Variants in NUDT13 observed in about 807,000 individuals in gnomAD.
The protein encoded by NUDT13 is NAD(P)H pyrophosphatase NUDT13, mitochondrial.
In NUDT13, 40 loss-of-function variants were observed where a neutral mutation model predicts 41.7. The ratio of observed to expected loss-of-function variants is 0.96; its 90% confidence interval spans 0.75 to 1.25. The LOEUF is 1.25. Among genes scored for constraint, NUDT13 ranks in the 50% most tolerant of loss-of-function variants. The pLI, the probability that NUDT13 is intolerant of heterozygous loss-of-function variation, is 0.00. For synonymous variants in NUDT13, 145 were observed against 155.5 expected (o/e 0.93, Z 0.50); for missense variants, 390 against 416.1 (o/e 0.94, Z 0.55).
At chr10:73,128,696 C>T (rs967773537) in intron 8 of NUDT13, among the ~76,000 whole-genome samples, 2 of 152,182 alleles carry the variant, frequency 1.3e-5, no homozygotes, top group African/African-American at 4.8e-5. Context: ...GTTGTCTCTT[C>T]ACTCTGTTGA....
In NUDT13 at chr10:73,130,838, G is replaced by A; in HGVS notation, c.994G>A (p.Ala332Thr). The stretch of plus-strand genomic sequence containing the variant: ...CCCATTCTGGCTGCCCCCTAAGTTA[G>A]CCATCTCCCACCAACTGATTAAGGA... ...TFPFWLPPKL[A>T]ISHQLIKEWV... Residue 332 changes from alanine (A) to threonine (T), a missense_variant, in exon 9 of 9, where the codon GCC becomes ACC. Coordinates refer to ENST00000357321, the MANE Select transcript of NUDT13 (RefSeq NM_015901.6). 6.2e-7 allele frequency: 1 copy of A among 1,613,936 alleles called. No homozygotes were observed. Among genetic ancestry groups the A allele is most frequent in the Non-Finnish European group, 8.5e-7 (1 of 1,179,952 alleles).
intron 7 of NUDT13, 104 bp downstream of exon 7, chr10:73,125,613 T>C (rs1842753249): frequency 3.7e-6 from 2 of 541,146 alleles, no homozygotes; most frequent in Admixed American, 3.7e-5. Context: ...CCAAGCACAT[T>C]CTTTTCTATC....
chr10:73,125,849 T>G (rs1842762002), intron 7 of NUDT13, among the ~76,000 whole-genome samples: 1 of 151,756 alleles, frequency 6.6e-6, no homozygotes, highest in South Asian at 2.1e-4. Flanking sequence ...CATGCCCGGC[T>G]AATTTTTAAA....
In NUDT13 at chr10:73,124,316, C is replaced by T. The variant is rs745954425; in HGVS notation, c.461C>T (p.Ser154Phe). Residue 154 changes from serine (S) to phenylalanine (F), a missense_variant, in exon 5 of 9, where the codon TCC becomes TTC. Coordinates refer to ENST00000357321, the MANE Select transcript of NUDT13 (RefSeq NM_015901.6). ...AATGCAAGGGATGCCTCCTTGCTGT[C>T]CACGGTAGATTCTGATTTCTCATTC... The part of the protein sequence containing the change: ...QLNARDASLL[S>F]TAQALLRWHD... 11 of 1,602,004 alleles carry T rather than the reference C, an allele frequency of 6.9e-6. No homozygotes were observed. The highest frequency in any genetic ancestry group is 8.5e-6 in the Non-Finnish European group (10 of 1,170,040).
chr10:73,125,286 C>A, intron 6 of NUDT13, 43 bp downstream of exon 6: 2 of 1,603,700 alleles, frequency 1.2e-6, no homozygotes, highest in Non-Finnish European at 1.7e-6. Context: ...GAAGACTGTG[C>A]GCTGCTTTGT....
intron 1 of NUDT13, among the ~76,000 whole-genome samples, chr10:73,111,288 T>C (rs538036058): frequency 6.6e-6 from 1 of 152,250 alleles, no homozygotes; most frequent in African/African-American, 2.4e-5. Flanking sequence ...TAAAAAAAGG[T>C]CTCTTAAATA....
chr10:73,110,749 A>C (rs2280369), intron 1 of NUDT13, among the ~76,000 whole-genome samples, 182 bp downstream of exon 1: 23,950 of 152,166 alleles, frequency 0.16, 3,136 homozygotes, highest in African/African-American at 0.33. Flanking sequence ...GTGGAGCTAC[A>C]TCAGTAACCA....
At chr10:73,113,136 C>G (rs1297463095) in intron 1 of NUDT13, among the ~76,000 whole-genome samples, 1 of 152,240 alleles carries the variant, frequency 6.6e-6, no homozygotes, top group Admixed American at 6.5e-5. Flanking sequence ...ATCCGCCCGC[C>G]TCGGCCTCCC....
chr10:73,120,937 C>CAA (rs11322928), intron 3 of NUDT13, among the ~76,000 whole-genome samples: 5 of 101,768 alleles, frequency 4.9e-5, no homozygotes, highest in Admixed American at 1.1e-4. Flanking sequence ...GACTCCATCT[C>CAA]AAAAAAAAAA....
rs1226013907 is a variant in NUDT13, at chr10:73,126,844, C to T, written c.858+17C>T. 1.9e-6 allele frequency: 3 copies of T among 1,609,844 alleles called. No individual in the cohort carries two copies. The highest frequency in any genetic ancestry group is 2.2e-5 in the South Asian group (2 of 90,934). ...CAGACAGAAGTAAGTTCTCATCTTC[C>T]CTTATACTGTGATATTTCTTTTGCT... is the stretch of plus-strand genomic sequence containing the variant. On this transcript the variant is annotated intron_variant, in intron 8 of 8. Coordinates refer to ENST00000357321, the MANE Select transcript of NUDT13 (RefSeq NM_015901.6).
intron 2 of NUDT13, chr10:73,119,591 C>G: frequency 2.2e-6 from 1 of 451,142 alleles, no homozygotes; most frequent in East Asian, 1.5e-4. Flanking sequence ...AAATTCTTGC[C>G]TCACAGTGTA....
intron 1 of NUDT13, among the ~76,000 whole-genome samples, chr10:73,112,277 C>T (rs1170568624): frequency 6.6e-6 from 1 of 151,968 alleles, no homozygotes; most frequent in Non-Finnish European, 1.5e-5. Flanking sequence ...CGCTTGAACC[C>T]GGGAGGTGGA....
chr10:73,130,911 C>T lies in NUDT13; in HGVS notation c.*8C>T. On this transcript the variant is annotated 3_prime_UTR_variant, in exon 9 of 9. Coordinates refer to ENST00000357321, the MANE Select transcript of NUDT13 (RefSeq NM_015901.6). ...TCTTCCCTGCCTGCTTAGCCCGGATCAAGTCACTTAGATCGCTCCTTGGTA... is the reference window on the plus strand; with the variant it reads ...TCTTCCCTGCCTGCTTAGCCCGGATTAAGTCACTTAGATCGCTCCTTGGTA... The T allele has an allele frequency of 6.2e-7, 1 of 1,610,484 alleles. No individual in the cohort carries two copies. Among genetic ancestry groups the T allele is most frequent in the Non-Finnish European group, 8.5e-7 (1 of 1,177,376 alleles).
chr10:73,110,498 T>C lies in NUDT13; in HGVS notation c.-79T>C, dbSNP rs1045590558. Reference sequence around the variant, plus strand: ...TCCAGGGAACGGAAGCCGTTGAACGTGAACATTTGGAGTTTCCTCTTTTGT... The same window carrying C: ...TCCAGGGAACGGAAGCCGTTGAACGCGAACATTTGGAGTTTCCTCTTTTGT... On this transcript the variant is annotated 5_prime_UTR_variant, in exon 1 of 9. Coordinates refer to ENST00000357321, the MANE Select transcript of NUDT13 (RefSeq NM_015901.6). The C allele has an allele frequency of 6.6e-6, 1 of 152,210 alleles. No individual in the cohort carries two copies. Among genetic ancestry groups the C allele is most frequent in the Non-Finnish European group, 1.5e-5 (1 of 68,064 alleles). 9.4% of individuals were successfully genotyped at this position (152,210 alleles called of 1,614,324 possible).
At chr10:73,118,225 T>G (rs1472279450) in intron 2 of NUDT13, among the ~76,000 whole-genome samples, 3 of 152,240 alleles carry the variant, frequency 2.0e-5, no homozygotes, top group Admixed American at 2.0e-4. Flanking sequence ...ATATCACAAT[T>G]CTTAAAAGAT....
At chr10:73,114,555 TTA>T in intron 2 of NUDT13, 107 bp downstream of exon 2, 1 of 327,140 alleles carries the variant, frequency 3.1e-6, no homozygotes, top group Non-Finnish European at 5.5e-6. Flanking sequence ...TATATATACA[TTA>T]TATATTACTA....
At chr10:73,112,634 T>TTG (rs1300468791) in intron 1 of NUDT13, among the ~76,000 whole-genome samples, 2 of 151,882 alleles carry the variant, frequency 1.3e-5, no homozygotes, top group Admixed American at 1.3e-4. Context: ...CTCACATTTT[T>TTG]TGTGTGTGTT....
intron 7 of NUDT13, 168 bp downstream of exon 7, chr10:73,125,677 A>ATATATATAT (rs1491142220): frequency 3.6e-5 from 6 of 167,228 alleles, no homozygotes; most frequent in African/African-American, 1.6e-4. Context: ...ATATATATAT[A>ATATATATAT]AAATTTTTTC....
Position 73,120,157 on chromosome 10 carries a change from G to C in NUDT13, c.223G>C (p.Glu75Gln), listed in dbSNP as rs1464553684. The C allele has an allele frequency of 1.9e-6, 3 of 1,614,164 alleles. No homozygotes were observed. Among genetic ancestry groups the C allele is most frequent in the Non-Finnish European group, 2.5e-6 (3 of 1,180,022 alleles). Residue 75 changes from glutamate (E) to glutamine (Q), a missense_variant and splice_region_variant, in exon 3 of 9, where the codon GAG becomes CAG. Transcript: ENST00000357321. ...CCTGGCCCCCCGGCACAGCCTGTTA[G>C]GTAAGTCCAGAGTGGACCAGTGGCG... Reference protein sequence around the residue: ...QYLAPRHSLLELERLLGKFGQ... With the variant: ...QYLAPRHSLLQLERLLGKFGQ...
Sources: allele counts gnomAD v4.1 joint callset (sites outside exome capture counted in the v4.1 genomes callset), GRCh38; gene constraint gnomAD v4.1.1; transcripts MANE v1.5; gene names NCBI Gene and HGNC (gene_info 2026-07-23, HGNC 2026-07-21).